The following NUAK1 variants were observed in gnomAD, a reference collection of about 807,000 sequenced individuals.
The protein encoded by NUAK1 is NUAK family kinase 1.
Under a neutral mutation model 56.9 loss-of-function variants are expected in NUAK1, and 26 were observed. The ratio of observed to expected loss-of-function variants is 0.46; its 90% CI spans 0.33 to 0.63. The LOEUF is 0.63. Ranked by LOEUF, NUAK1 falls within the 30% of genes least tolerant of loss-of-function variation. The pLI is 0.02. For missense variants in NUAK1, 727 were observed against 876.1 expected, an observed-to-expected ratio of 0.83 and a Z score of 2.15; for synonymous variants, 337 against 336.0, an observed-to-expected ratio of 1.00 and a Z score of -0.03.
Position 106,067,296 on chromosome 12 carries a change from C to G in NUAK1, c.1492G>C (p.Gly498Arg), listed in dbSNP as rs368877617. 6.2e-7 allele frequency: 1 copy of G among 1,614,024 alleles called. No homozygotes were observed. The highest frequency in any genetic ancestry group is 2.2e-5 in the East Asian group (1 of 44,874). ...SELLDSNDVM[G>R]SSIPSPSPPD... is the part of the protein sequence containing the mutation. ...GGGCTGGGGGAGGGGATGCTGCTGC[C>G]CATCACATCATTACTGTCCAACAGC... Residue 498 changes from glycine (G) to arginine (R), a missense_variant, in exon 7 of 7, where the codon GGC becomes CGC. Gly to Arg is a moderately radical substitution (Grantham distance 125, BLOSUM62 -2). Coordinates refer to ENST00000261402, the MANE Select transcript of NUAK1 (RefSeq NM_014840.3). This position sits in a 1 kb window ranked among gnomAD's most constrained non-coding sequence, Gnocchi z 6.0.
At chr12:106,112,707 TG>T (rs1487512652) in intron 1 of NUAK1, among the ~76,000 whole-genome samples, 26 of 152,328 alleles carry the variant, frequency 1.7e-4, no homozygotes, top group African/African-American at 5.5e-4. Context: ...TGTTGGTTCA[TG>T]TCCTACATGA....
intron 2 of NUAK1, among the ~76,000 whole-genome samples, chr12:106,099,109 T>C (rs17038111): frequency 0.061 from 9,323 of 152,202 alleles, 497 homozygotes; most frequent in African/African-American, 0.14. Flanking sequence ...GCCAGTTACG[T>C]TTGTATTTAC....
At position 106,063,509 on chromosome 12, in the gene NUAK1, C is replaced by T. The variant is rs1432407607; in HGVS notation, c.*3293G>A. 6.6e-6 allele frequency: 1 copy of T among 152,500 alleles called. No homozygotes were observed. The highest frequency in any genetic ancestry group is 1.5e-5 in the Non-Finnish European group (1 of 68,020). The allele number at this position is 152,500 out of a possible 1,614,324, so 9.4% of individuals were successfully genotyped here. Reference sequence around the variant, plus strand: ...CTCAAACCAATCAAATGAGTGAAAACCAATTTTGACAGGAGCCATAAAGCA... The same window carrying T: ...CTCAAACCAATCAAATGAGTGAAAATCAATTTTGACAGGAGCCATAAAGCA... On this transcript the variant is annotated 3_prime_UTR_variant, in exon 7 of 7. Coordinates refer to ENST00000261402, the MANE Select transcript of NUAK1 (RefSeq NM_014840.3).
intron 2 of NUAK1, among the ~76,000 whole-genome samples, chr12:106,089,891 C>A (rs2032617899): frequency 6.6e-6 from 1 of 152,194 alleles, no homozygotes; most frequent in Non-Finnish European, 1.5e-5. Flanking sequence ...ACTTGCCTCC[C>A]TGCTGACTGC....
At chr12:106,125,540 C>T (rs967064642) in intron 1 of NUAK1, among the ~76,000 whole-genome samples, 1 of 152,080 alleles carries the variant, frequency 6.6e-6, no homozygotes, top group Non-Finnish European at 1.5e-5. Flanking sequence ...GGTTCAAAGG[C>T]GAAAAAGCAC....
chr12:106,091,390 T>C (rs1343789906), intron 2 of NUAK1, among the ~76,000 whole-genome samples: 1 of 152,072 alleles, frequency 6.6e-6, no homozygotes, highest in African/African-American at 2.4e-5. Flanking sequence ...CCAGGTGGTG[T>C]ACAGCCTGGT....
At chr12:106,124,907 G>A (rs1196483392) in intron 1 of NUAK1, among the ~76,000 whole-genome samples, 1 of 151,972 alleles carries the variant, frequency 6.6e-6, no homozygotes, top group Admixed American at 6.6e-5. Flanking sequence ...TGAGGCAGGA[G>A]AATCACTTGA....
At chr12:106,080,719 T>C (rs553290526) in intron 4 of NUAK1, among the ~76,000 whole-genome samples, 1 of 152,336 alleles carries the variant, frequency 6.6e-6, no homozygotes. Context: ...GTAGCATTTA[T>C]ATAGGCTTCC....
chr12:106,069,873 A>T (rs926849225), intron 6 of NUAK1, among the ~76,000 whole-genome samples: 2 of 152,142 alleles, frequency 1.3e-5, no homozygotes, highest in South Asian at 4.1e-4. Context: ...AAAATGACCA[A>T]TGATGGCCAG....
At chr12:106,087,572 TA>T (rs1236079864) in intron 2 of NUAK1, among the ~76,000 whole-genome samples, 1 of 152,222 alleles carries the variant, frequency 6.6e-6, no homozygotes, top group Non-Finnish European at 1.5e-5. Context: ...ATTAAATGAG[TA>T]AACTCAAACT....
chr12:106,111,233 C>T (rs2032855723), intron 1 of NUAK1, among the ~76,000 whole-genome samples: 1 of 152,164 alleles, frequency 6.6e-6, no homozygotes, highest in African/African-American at 2.4e-5. Flanking sequence ...TTATAAACCA[C>T]ACTTAAGAGG....
intron 4 of NUAK1, among the ~76,000 whole-genome samples, chr12:106,073,238 C>T (rs1472448305): frequency 6.6e-6 from 1 of 152,114 alleles, no homozygotes; most frequent in African/African-American, 2.4e-5. Context: ...AAGAATTCTC[C>T]CTCTGTGGTC....
Position 106,066,904 on chromosome 12 carries a change from G to A in NUAK1, c.1884C>T (p.Tyr628=). ...NRPRPQYLKR[Y]RNRLADSSFS... is the part of the protein sequence containing the mutation. ...AGCTGCTGTCTGCCAGCCGGTTCCG[G>A]TACCGCTTCAGGTACTGGGGCCGGG... Residue 628 remains tyrosine, a synonymous_variant, in exon 7 of 7, where the codon TAC becomes TAT. Coordinates refer to ENST00000261402, the MANE Select transcript of NUAK1 (RefSeq NM_014840.3). The A allele has an allele frequency of 6.2e-7, 1 of 1,614,256 alleles. No homozygotes were observed. The highest frequency in any genetic ancestry group is 8.5e-7 in the Non-Finnish European group (1 of 1,180,046).
At position 106,085,879 on chromosome 12, in the gene NUAK1, A is replaced by T. The variant is rs564862933; in HGVS notation, c.513+855T>A. 3.9e-5 allele frequency among the ~76,000 whole-genome samples: 6 copies of T among 151,924 alleles called. No homozygotes were observed. The East Asian group carries it at 5.8e-4, about 15-fold the overall frequency. Reference sequence around the variant, plus strand: ...GCAACCTCATGCCTGGCTACTTTTTAAAAAAAATTTTAAAGATGGATCTTG... The same window carrying T: ...GCAACCTCATGCCTGGCTACTTTTTTAAAAAAATTTTAAAGATGGATCTTG... On this transcript the variant is annotated intron_variant, in intron 3 of 6. Coordinates refer to ENST00000261402, the MANE Select transcript of NUAK1 (RefSeq NM_014840.3).
chr12:106,071,987 AAG>A (rs1198850486), intron 5 of NUAK1, among the ~76,000 whole-genome samples: 5 of 152,234 alleles, frequency 3.3e-5, no homozygotes, highest in African/African-American at 4.8e-5. Context: ...ATCTTTCAAA[AAG>A]AGAATCATCA....
chr12:106,077,978 C>G (rs2136459057), intron 4 of NUAK1, among the ~76,000 whole-genome samples: 1 of 152,324 alleles, frequency 6.6e-6, no homozygotes, highest in South Asian at 2.1e-4. Context: ...TTTATTTAAC[C>G]TCTCTGAGTC....
At chr12:106,114,685 A>G (rs1412678964) in intron 1 of NUAK1, among the ~76,000 whole-genome samples, 1 of 152,198 alleles carries the variant, frequency 6.6e-6, no homozygotes, top group Non-Finnish European at 1.5e-5. Flanking sequence ...GAGAGTCCTG[A>G]TTCCCACTCC....
chr12:106,093,285 C>A (rs1255631544), intron 2 of NUAK1, among the ~76,000 whole-genome samples: 4 of 152,236 alleles, frequency 2.6e-5, no homozygotes, highest in African/African-American at 9.7e-5. Flanking sequence ...TTTGACTATT[C>A]CACTGGCAGG....
intron 1 of NUAK1, among the ~76,000 whole-genome samples, chr12:106,108,858 G>C (rs923320542): frequency 1.1e-4 from 17 of 152,178 alleles, no homozygotes; most frequent in African/African-American, 3.9e-4. Context: ...GCGAGGCGGA[G>C]GGTCCCATGG....
Sources: gnomAD v4.1 joint callset for allele counts (sites outside exome capture counted in the v4.1 genomes callset) on GRCh38, gnomAD v4.1.1 for gene constraint, Gnocchi (gnomAD v3.1) non-coding constraint, MANE v1.5 for transcripts, NCBI Gene and HGNC (gene_info 2026-07-23, HGNC 2026-07-21) for gene names.